The following ULK4 variants were observed in gnomAD, a reference collection of about 807,000 sequenced individuals.
The protein encoded by ULK4 is unc-51 like kinase 4, also known as inactive serine/threonine-protein kinase ULK4.
A neutral mutation model predicts 160.6 loss-of-function variants in ULK4; 133 were observed. The ratio of observed to expected loss-of-function variants is 0.83; its 90% confidence interval spans 0.72 to 0.96. ULK4 has a LOEUF of 0.96. Ranked by LOEUF, ULK4 falls within the 40% of genes least tolerant of loss-of-function variation. ULK4 has a pLI of 0.00. For synonymous variants in ULK4, 534 were observed against 539.8 expected (o/e 0.99, Z 0.15); for missense variants, 1,580 against 1,499.5 (o/e 1.05, Z -0.89).
chr3:41,818,697 G>A (rs1253618598), intron 19 of ULK4, among the ~76,000 whole-genome samples: 19 of 152,166 alleles, frequency 1.2e-4, no homozygotes, highest in Admixed American at 1.2e-3. Flanking sequence ...AGGAAGCAAT[G>A]AACTCAAAAG....
At chr3:41,524,510 A>C (rs529208878) in intron 32 of ULK4, among the ~76,000 whole-genome samples, 18 of 152,316 alleles carry the variant, frequency 1.2e-4, no homozygotes, top group Non-Finnish European at 2.4e-4. Flanking sequence ...CACAATCCCT[A>C]AAACTGGCTG....
intron 30 of ULK4, among the ~76,000 whole-genome samples, chr3:41,637,988 G>A (rs1038585975): frequency 6.6e-6 from 1 of 152,132 alleles, no homozygotes; most frequent in African/African-American, 2.4e-5. Context: ...TCTGTAAGTT[G>A]TCTCTTCACT....
In ULK4 at chr3:41,900,837, G is replaced by T. The variant is rs116649838; in HGVS notation, c.1183-8C>A. The T allele has an allele frequency of 1.1e-3, 1,694 of 1,606,566 alleles. 15 individuals carry two copies. In the African/African-American group the frequency reaches 0.019, roughly 18 times the overall value. The stretch of plus-strand genomic sequence containing the variant: ...CAGGTGTCCACTTGTAATCTGAAAT[G>T]AGAACAAAAATTAGACTTTGTTTCT... On this transcript the variant is annotated splice_region_variant and splice_polypyrimidine_tract_variant and intron_variant, in intron 12 of 36. Transcript: ENST00000301831.
At position 41,335,423 on chromosome 3, in the gene ULK4, T is replaced by A. The variant is rs765603949; in HGVS notation, c.3678+62656A>T. 5.9e-5 allele frequency among the ~76,000 whole-genome samples: 9 copies of A among 152,308 alleles called. No individual in the cohort carries two copies. In the East Asian group the frequency reaches 1.5e-3, roughly 26 times the overall value. The stretch of plus-strand genomic sequence containing the variant: ...CTATTTAGGTAAGAATAACTCCATC[T>A]TCATATTATCATCAAGTTTAATGGG... On this transcript the variant is annotated intron_variant, in intron 35 of 36. Coordinates refer to ENST00000301831, the MANE Select transcript of ULK4 (RefSeq NM_017886.4).
chr3:41,350,472 A>C (rs2080887600), intron 35 of ULK4, among the ~76,000 whole-genome samples: 1 of 152,226 alleles, frequency 6.6e-6, no homozygotes, highest in South Asian at 2.1e-4. Flanking sequence ...ACCAAAAAGT[A>C]ATGCTGCTTA....
chr3:41,761,222 GAAGTAAATTTCATTAA>G (rs944437414), intron 21 of ULK4, among the ~76,000 whole-genome samples: 1 of 151,414 alleles, frequency 6.6e-6, no homozygotes, highest in African/African-American at 2.4e-5. Context: ...AGTCCCCATG[GAAGTAAATTTCATTAA>G]AAGTAAATTT....
intron 30 of ULK4, among the ~76,000 whole-genome samples, chr3:41,631,244 G>A (rs2033730376): frequency 1.3e-5 from 2 of 152,302 alleles, no homozygotes; most frequent in South Asian, 2.1e-4. Context: ...GGAGGGCAGG[G>A]TTGAGATTTC....
intron 22 of ULK4, among the ~76,000 whole-genome samples, chr3:41,745,120 G>C (rs372546039): frequency 2.7e-4 from 41 of 151,348 alleles, no homozygotes; most frequent in African/African-American, 9.3e-4. Context: ...AAAAGAAAAG[G>C]TTTCAAATCA....
At chr3:41,737,454 G>C (rs1470675962) in intron 22 of ULK4, among the ~76,000 whole-genome samples, 4 of 151,762 alleles carry the variant, frequency 2.6e-5, no homozygotes, top group Non-Finnish European at 5.9e-5. Flanking sequence ...GTAATTTATA[G>C]ATTCAATGCC....
At chr3:41,743,056 C>T (rs2125882813) in intron 22 of ULK4, among the ~76,000 whole-genome samples, 1 of 151,784 alleles carries the variant, frequency 6.6e-6, no homozygotes, top group East Asian at 1.9e-4. Flanking sequence ...AACAAGTATT[C>T]AAAGAAATCA....
Position 41,736,606 on chromosome 3 carries a change from G to A in ULK4, c.2321+17755C>T, listed in dbSNP as rs1184896831. On this transcript the variant is annotated intron_variant, in intron 22 of 36. Transcript: ENST00000301831. ...TCTGGATATTAGCCCTTTGTCAGAT[G>A]AGTAGGTTGCAAAAATTTTCTCCCA... is the stretch of plus-strand genomic sequence containing the variant. Among the ~76,000 whole-genome samples the A allele has an allele frequency of 3.3e-5, 5 of 151,540 alleles. 1 individual carries two copies. The highest frequency in any genetic ancestry group is 7.3e-5 in the African/African-American group (3 of 40,928).
At position 41,954,753 on chromosome 3, in the gene ULK4, T is replaced by C; in HGVS notation, c.7A>G (p.Asn3Asp). 1.2e-6 allele frequency: 2 copies of C among 1,611,188 alleles called. No homozygotes were observed. The highest frequency in any genetic ancestry group is 1.7e-6 in the Non-Finnish European group (2 of 1,178,898). Residue 3 changes from asparagine to aspartate, a missense_variant, in exon 2 of 37, where the codon AAC becomes GAC. Coordinates refer to ENST00000301831, the MANE Select transcript of ULK4 (RefSeq NM_017886.4). ...CCGATCTCCTCATACAGAATAAAGT[T>C]TTCCATCTCTGGGCCGACTTCTCAC... MENFILYEEIGRG... is the reference protein window; with the variant it reads MEDFILYEEIGRG...
intron 18 of ULK4, among the ~76,000 whole-genome samples, chr3:41,830,737 AT>A (rs1649902201): frequency 6.6e-6 from 1 of 152,148 alleles, no homozygotes; most frequent in Admixed American, 6.5e-5. Flanking sequence ...CACCCTTAAA[AT>A]GCATCAAAGA....
Position 41,829,027 on chromosome 3 carries a change from C to G in ULK4, c.1764+6837G>C, listed in dbSNP as rs868630469. Among the ~76,000 whole-genome samples the G allele has an allele frequency of 8.6e-4, 130 of 150,918 alleles. 1 individual carries two copies. In the South Asian group the frequency reaches 0.021, roughly 24 times the overall value. On this transcript the variant is annotated intron_variant, in intron 18 of 36. Transcript: ENST00000301831. ...ACTATCTGATCTTTGACAAACCTGACAAAAACAAGCAATGGGGAAAGGATT... is the reference window on the plus strand; with the variant it reads ...ACTATCTGATCTTTGACAAACCTGAGAAAAACAAGCAATGGGGAAAGGATT...
intron 17 of ULK4, among the ~76,000 whole-genome samples, chr3:41,873,470 A>G (rs1197195094): frequency 6.6e-6 from 1 of 151,418 alleles, no homozygotes; most frequent in Non-Finnish European, 1.5e-5. Context: ...AATTTCCCTC[A>G]CTTTCTTGTT....
chr3:41,890,760 G>A lies in ULK4; in HGVS notation c.1577+4758C>T, dbSNP rs796214487. Among the ~76,000 whole-genome samples the A allele has an allele frequency of 1.7e-3, 51 of 29,410 alleles. 4 individuals carry two copies. Among genetic ancestry groups the A allele is most frequent in the African/African-American group, 4.9e-3 (28 of 5,684 alleles). The allele number at this position is 29,410 out of a possible 152,430, so 19.3% of individuals were successfully genotyped here. On this transcript the variant is annotated intron_variant, in intron 16 of 36. Coordinates refer to ENST00000301831, the MANE Select transcript of ULK4 (RefSeq NM_017886.4). Reference sequence around the variant, plus strand: ...AAGGGACAGGAGGGACGGGAGGGACGGGAGGGACGGGAGGGACAGGAGGGA... The same window carrying A: ...AAGGGACAGGAGGGACGGGAGGGACAGGAGGGACGGGAGGGACAGGAGGGA...
intron 32 of ULK4, among the ~76,000 whole-genome samples, chr3:41,463,693 A>G (rs1305985073): frequency 6.6e-6 from 1 of 152,210 alleles, no homozygotes; most frequent in African/African-American, 2.4e-5. Context: ...TGCAGTCCAC[A>G]AATGTAAGAT....
intron 18 of ULK4, 81 bp downstream of exon 18, chr3:41,835,783 C>G: frequency 9.0e-7 from 1 of 1,106,858 alleles, no homozygotes; most frequent in Non-Finnish European, 1.3e-6. Flanking sequence ...AATCAAAAAA[C>G]TTTTATAGGA....
chr3:41,260,126 CTT>C (rs1205392623), intron 35 of ULK4: 2 of 152,204 alleles, frequency 1.3e-5, no homozygotes, highest in South Asian at 2.1e-4. Context: ...TTAATGTACA[CTT>C]TGTCTTCTCT....
Sources: gnomAD v4.1 joint callset for allele counts (sites outside exome capture counted in the v4.1 genomes callset) on GRCh38, gnomAD v4.1.1 for gene constraint, MANE v1.5 for transcripts, NCBI Gene and HGNC (gene_info 2026-07-23, HGNC 2026-07-21) for gene names.